PDE3B: variants seen among roughly 807,000 people sequenced by gnomAD.
PDE3B encodes phosphodiesterase 3B.
PDE3B carries 66 observed loss-of-function variants against 116.8 expected under a neutral mutation model. That is an observed-to-expected ratio of 0.56 (90% confidence interval 0.46 to 0.69). The LOEUF (loss-of-function observed/expected upper bound fraction) is 0.69. Among genes scored for constraint, PDE3B ranks in the 30% least tolerant of loss-of-function variants. The pLI is 0.00. For missense variants in PDE3B, 1,384 were observed against 1,368.1 expected (o/e 1.01, Z -0.18); for synonymous variants, 595 against 533.6 (o/e 1.12, Z -1.59).
At chr11:14,653,163 T>C (rs1006784004) in intron 1 of PDE3B, among the ~76,000 whole-genome samples, 1 of 151,906 alleles carries the variant, frequency 6.6e-6, no homozygotes, top group African/African-American at 2.4e-5. Context: ...GTTCTAATGG[T>C]TTTTTTTGGT....
intron 1 of PDE3B, among the ~76,000 whole-genome samples, chr11:14,706,817 A>C (rs1010241937): frequency 5.3e-5 from 8 of 151,986 alleles, no homozygotes; most frequent in African/African-American, 7.2e-5. Flanking sequence ...TACATTTCAA[A>C]ATGGCTTTGA....
intron 1 of PDE3B, among the ~76,000 whole-genome samples, chr11:14,750,035 G>A (rs937172820): frequency 7.9e-5 from 12 of 150,948 alleles, no homozygotes; most frequent in African/African-American, 2.9e-4. Flanking sequence ...AAGAGAGGAT[G>A]TTTCAGTCCA....
chr11:14,718,744 C>T (rs1002229170), intron 1 of PDE3B, among the ~76,000 whole-genome samples: 9 of 148,588 alleles, frequency 6.1e-5, no homozygotes, highest in Admixed American at 1.3e-4. Flanking sequence ...ACACAACATA[C>T]CAGAATCTCT....
chr11:14,891,147 A>G, the PDE3B span: 1 of 985,436 alleles, frequency 1.0e-6, no homozygotes, highest in Non-Finnish European at 1.2e-6. Flanking sequence ...ACGTCGGGAC[A>G]CCCACACACA....
Position 14,732,074 on chromosome 11 carries a change from G to C in PDE3B, c.979-39863G>C, listed in dbSNP as rs1020666673. On this transcript the variant is annotated intron_variant, in intron 1 of 15. Coordinates refer to ENST00000282096, the MANE Select transcript of PDE3B (RefSeq NM_000922.4). ...GCAACAAAAGACCTAAAGGAGGTAT[G>C]GGAAGGAGACATGCGGATGTCTTGG... 6.4e-4 allele frequency among the ~76,000 whole-genome samples: 98 copies of C among 152,240 alleles called. 1 individual carries two copies. The highest frequency in any genetic ancestry group is 2.2e-3 in the African/African-American group (93 of 41,552).
At chr11:14,889,180 C>G in the PDE3B span, among the ~76,000 whole-genome samples, 1 of 101,460 alleles carries the variant, frequency 9.9e-6, no homozygotes. Context: ...TTTTTTTTTT[C>G]TGTGAGCATA....
intron 1 of PDE3B, among the ~76,000 whole-genome samples, chr11:14,650,916 A>G (rs1168956780): frequency 6.6e-6 from 1 of 151,928 alleles, no homozygotes; most frequent in Non-Finnish European, 1.5e-5. Flanking sequence ...TGAGACCTAT[A>G]TCAGACTTCT....
intron 4 of PDE3B, among the ~76,000 whole-genome samples, chr11:14,802,657 C>G (rs1031341656): frequency 6.6e-6 from 1 of 152,176 alleles, no homozygotes; most frequent in Admixed American, 6.5e-5. Context: ...GGTACTGTTA[C>G]TCTTCTTTTC....
intron 2 of PDE3B, among the ~76,000 whole-genome samples, chr11:14,781,162 C>A (rs546659451): frequency 1.1e-4 from 17 of 152,238 alleles, no homozygotes; most frequent in African/African-American, 3.9e-4. Flanking sequence ...GAAATTGAGG[C>A]AATAATTAAG....
the PDE3B span, chr11:14,887,660 C>G: frequency 4.0e-5 from 39 of 985,074 alleles, no homozygotes; most frequent in Non-Finnish European, 4.6e-5. Flanking sequence ...CTTCAAGTCT[C>G]TTTCCCTCAC....
chr11:14,799,144 T>C (rs1027263456), intron 4 of PDE3B, among the ~76,000 whole-genome samples: 4 of 152,238 alleles, frequency 2.6e-5, no homozygotes, highest in Non-Finnish European at 4.4e-5. Flanking sequence ...TTTGTTCTCA[T>C]TGGTTTCATA....
intron 1 of PDE3B, among the ~76,000 whole-genome samples, chr11:14,726,193 T>C (rs555385757): frequency 6.6e-6 from 1 of 152,348 alleles, no homozygotes; most frequent in East Asian, 1.9e-4. Flanking sequence ...CCACCCTATA[T>C]AAATAAGCCT....
chr11:14,885,630 A>T, the PDE3B span: 2 of 809,274 alleles, frequency 2.5e-6, no homozygotes, highest in Non-Finnish European at 3.9e-6. Flanking sequence ...TACAGCCTGA[A>T]AGGTCCTCAA....
chr11:14,675,741 T>C (rs1854514014), intron 1 of PDE3B, among the ~76,000 whole-genome samples: 1 of 152,198 alleles, frequency 6.6e-6, no homozygotes, highest in African/African-American at 2.4e-5. Flanking sequence ...ATTTTATGAA[T>C]ACATCACAAT....
intron 1 of PDE3B, among the ~76,000 whole-genome samples, chr11:14,672,917 CTT>C (rs36095953): frequency 1.8e-3 from 259 of 141,604 alleles, no homozygotes; most frequent in African/African-American, 3.7e-3. Context: ...AAAAACTTTA[CTT>C]TTTTTTTTTT....
At chr11:14,820,176 A>G (rs1352709235) in intron 7 of PDE3B, among the ~76,000 whole-genome samples, 2 of 151,828 alleles carry the variant, frequency 1.3e-5, no homozygotes, top group African/African-American at 4.8e-5. Flanking sequence ...AAAAAGACTA[A>G]TTCTTCACAA....
intron 6 of PDE3B, among the ~76,000 whole-genome samples, 189 bp downstream of exon 6, chr11:14,818,582 A>G (rs1040033899): frequency 2.0e-5 from 3 of 152,156 alleles, no homozygotes; most frequent in Non-Finnish European, 4.4e-5. Context: ...TCAGTTTTCA[A>G]AAACTTATTG....
chr11:14,661,737 G>A (rs1235410620), intron 1 of PDE3B, among the ~76,000 whole-genome samples: 2 of 152,198 alleles, frequency 1.3e-5, no homozygotes, highest in African/African-American at 2.4e-5. Flanking sequence ...ACTGCAAGGC[G>A]GCAGTTAGGC....
chr11:14,835,134 G>A, intron 11 of PDE3B, 39 bp downstream of exon 11: 1 of 1,284,192 alleles, frequency 7.8e-7, no homozygotes, highest in Non-Finnish European at 1.1e-6. Flanking sequence ...TTTTGATCAG[G>A]AATAGTAAAT....
Sources: allele counts gnomAD v4.1 joint callset (sites outside exome capture counted in the v4.1 genomes callset), GRCh38; gene constraint gnomAD v4.1.1; transcripts MANE v1.5; gene names NCBI Gene and HGNC (gene_info 2026-07-23, HGNC 2026-07-21).